Variants in ABLIM1 observed in about 807,000 individuals in gnomAD.
The protein encoded by ABLIM1 is actin-binding LIM protein 1.
In ABLIM1, 40 loss-of-function variants were observed where a neutral mutation model predicts 107.0. The observed-to-expected ratio is 0.37, with a 90% CI of 0.29 to 0.49. The LOEUF (loss-of-function observed/expected upper bound fraction) is 0.49. ABLIM1 is among the 20% of genes least tolerant of loss of function. The probability of loss-of-function intolerance (pLI) is 0.97; values close to 1 mark genes in which losing one functional copy is unlikely to be tolerated. For missense variants in ABLIM1, 857 were observed against 1,008.5 expected (o/e 0.85, Z 2.04); for synonymous variants, 357 against 357.3 (o/e 1.00, Z 0.01).
intron 6 of ABLIM1, among the ~76,000 whole-genome samples, chr10:114,533,657 GTGTTTT>G (rs892311940): frequency 1.3e-5 from 2 of 151,172 alleles, no homozygotes; most frequent in Non-Finnish European, 1.5e-5. Flanking sequence ...CAAAATTATC[GTGTTTT>G]TGTTGTTGTT....
intron 11 of ABLIM1, among the ~76,000 whole-genome samples, chr10:114,466,496 C>A (rs1024534849): frequency 3.3e-5 from 5 of 152,118 alleles, no homozygotes; most frequent in Non-Finnish European, 7.4e-5. Context: ...CTCCCTCCCC[C>A]ACTAATGTAG....
intron 1 of ABLIM1, among the ~76,000 whole-genome samples, chr10:114,691,129 AT>A (rs1316946439): frequency 6.6e-6 from 1 of 152,056 alleles, no homozygotes; most frequent in Non-Finnish European, 1.5e-5. Context: ...AAAGACAGTA[AT>A]TTTTTTCAGA....
intron 1 of ABLIM1, among the ~76,000 whole-genome samples, chr10:114,742,945 C>G (rs1015067468): frequency 1.1e-4 from 16 of 152,024 alleles, no homozygotes; most frequent in Non-Finnish European, 1.5e-5. Flanking sequence ...AAATAAAAAT[C>G]TACCTCAAGG....
chr10:114,730,029 C>T (rs1034802351), intron 1 of ABLIM1, among the ~76,000 whole-genome samples: 1 of 152,084 alleles, frequency 6.6e-6, no homozygotes, highest in African/African-American at 2.4e-5. Context: ...AATGTGAACA[C>T]AAAGAATTTA....
intron 1 of ABLIM1, among the ~76,000 whole-genome samples, chr10:114,718,102 A>ATGAAGGAAGG (rs1169165111): frequency 1.2e-5 from 1 of 86,036 alleles, no homozygotes; most frequent in African/African-American, 4.4e-5. Context: ...AGGAAAAGAA[A>ATGAAGGAAGG]AAGAAAAAGA....
At chr10:114,604,919 C>A (rs368357257) in intron 1 of ABLIM1, among the ~76,000 whole-genome samples, 1 of 152,330 alleles carries the variant, frequency 6.6e-6, no homozygotes, top group Admixed American at 6.5e-5. Context: ...GAGCCACTGC[C>A]AATGCTGGCA....
chr10:114,591,868 T>G (rs1340966337), intron 2 of ABLIM1, among the ~76,000 whole-genome samples: 1 of 152,176 alleles, frequency 6.6e-6, no homozygotes, highest in Non-Finnish European at 1.5e-5. Context: ...AACACTCTCA[T>G]GAGCACTTCC....
At chr10:114,752,847 G>T (rs945930264) in intron 1 of ABLIM1, among the ~76,000 whole-genome samples, 18 of 152,252 alleles carry the variant, frequency 1.2e-4, no homozygotes, top group Admixed American at 8.5e-4. Flanking sequence ...TCATTGATGG[G>T]CATTTGGGTT....
At chr10:114,500,321 G>A (rs2060219434) in intron 6 of ABLIM1, among the ~76,000 whole-genome samples, 1 of 152,144 alleles carries the variant, frequency 6.6e-6, no homozygotes, top group Non-Finnish European at 1.5e-5. Flanking sequence ...GGGAGCAAGA[G>A]AACCCAGGGC....
chr10:114,768,127 CG>C, upstream of ABLIM1: 2 of 384,998 alleles, frequency 5.2e-6, no homozygotes, highest in South Asian at 3.5e-5. Context: ...CCGCAGGGCG[CG>C]GGGAAGAAGG....
intron 6 of ABLIM1, among the ~76,000 whole-genome samples, chr10:114,492,297 C>G (rs1783013877): frequency 6.6e-6 from 1 of 152,066 alleles, no homozygotes; most frequent in Non-Finnish European, 1.5e-5. Flanking sequence ...CTTGGCTAAA[C>G]AATCTGAAAA....
At chr10:114,466,708 T>G (rs953846339) in intron 11 of ABLIM1, among the ~76,000 whole-genome samples, 1 of 152,248 alleles carries the variant, frequency 6.6e-6, no homozygotes, top group Non-Finnish European at 1.5e-5. Context: ...ATAAAGCCGG[T>G]ATTTTACTTC....
chr10:114,493,782 A>G (rs1449333982), intron 6 of ABLIM1, among the ~76,000 whole-genome samples: 1 of 152,230 alleles, frequency 6.6e-6, no homozygotes. Context: ...AAAATGTATG[A>G]TATTTCTAGA....
intron 2 of ABLIM1, among the ~76,000 whole-genome samples, chr10:114,585,733 A>T (rs1411951442): frequency 6.6e-6 from 1 of 152,058 alleles, no homozygotes; most frequent in Non-Finnish European, 1.5e-5. Flanking sequence ...TGCCAACTTC[A>T]CCCAGGCTCC....
At chr10:114,659,146 G>A (rs1325254885), upstream of ABLIM1, among the ~76,000 whole-genome samples, 1 of 152,092 alleles carries the variant, frequency 6.6e-6, no homozygotes, top group Non-Finnish European at 1.5e-5. Context: ...TAAAACCCTA[G>A]AATAGAATTA....
chr10:114,670,576 C>G (rs1287986814), intron 1 of ABLIM1, among the ~76,000 whole-genome samples: 1 of 152,192 alleles, frequency 6.6e-6, no homozygotes, highest in Non-Finnish European at 1.5e-5. Context: ...TCACTGCAAC[C>G]TCCGACTCCC....
intron 4 of ABLIM1, among the ~76,000 whole-genome samples, chr10:114,548,728 C>G (rs1486742591): frequency 6.6e-6 from 1 of 152,182 alleles, no homozygotes; most frequent in East Asian, 1.9e-4. Flanking sequence ...AAAGCAACTT[C>G]AACAACTACA....
intron 9 of ABLIM1, 128 bp from the exon 10 acceptor site, chr10:114,473,260 T>A (rs965458609): frequency 1.2e-6 from 1 of 864,500 alleles, no homozygotes. Context: ...ACATCTTGCC[T>A]AACACAGTTA....
intron 1 of ABLIM1, among the ~76,000 whole-genome samples, chr10:114,752,683 A>T (rs1175098833): frequency 6.6e-6 from 1 of 152,206 alleles, no homozygotes; most frequent in African/African-American, 2.4e-5. Context: ...AAGTGAGAAC[A>T]TGCAGTATTT....
Sources: gnomAD v4.1 joint callset for allele counts (sites outside exome capture counted in the v4.1 genomes callset) on GRCh38, gnomAD v4.1.1 for gene constraint, MANE v1.5 for transcripts, NCBI Gene and HGNC (gene_info 2026-07-23, HGNC 2026-07-21) for gene names.